Variants in TMEM74 observed in about 807,000 individuals in gnomAD.
The protein encoded by TMEM74 is transmembrane protein 74.
In TMEM74, 13 loss-of-function variants were observed where a neutral mutation model predicts 18.1. The observed-to-expected ratio is 0.72, with a 90% CI of 0.47 to 1.14. The LOEUF (loss-of-function observed/expected upper bound fraction) is 1.14, where lower values mean the gene tolerates loss of function less well. TMEM74 is among the 50% of genes most tolerant of loss of function. TMEM74 has a pLI of 0.00. For missense variants in TMEM74, 372 were observed against 375.9 expected (o/e 0.99, Z 0.09); for synonymous variants, 159 against 146.6 (o/e 1.08, Z -0.61).
intron 1 of TMEM74, among the ~76,000 whole-genome samples, chr8:108,671,476 A>G (rs1813004482): frequency 6.6e-6 from 1 of 152,218 alleles, no homozygotes; most frequent in African/African-American, 2.4e-5. Context: ...AAAGAAAAGC[A>G]GGTGACATTA....
intron 1 of TMEM74, among the ~76,000 whole-genome samples, chr8:108,722,359 A>G (rs1007761777): frequency 3.9e-5 from 6 of 152,184 alleles, no homozygotes; most frequent in Non-Finnish European, 2.9e-5. Flanking sequence ...GATCTTTCAT[A>G]TACAAGTGAC....
chr8:108,715,265 G>C (rs1308577954), intron 1 of TMEM74, among the ~76,000 whole-genome samples: 1 of 151,700 alleles, frequency 6.6e-6, no homozygotes, highest in Non-Finnish European at 1.5e-5. Flanking sequence ...CTAGATGCTG[G>C]AGGCTACTAG....
chr8:108,631,868 G>A (rs1214998926), intron 2 of TMEM74, among the ~76,000 whole-genome samples: 1 of 152,012 alleles, frequency 6.6e-6, no homozygotes, highest in Non-Finnish European at 1.5e-5. Context: ...GCCACTGGGG[G>A]TGTAGATAGT....
chr8:108,735,673 C>A (rs1813741392), intron 1 of TMEM74, among the ~76,000 whole-genome samples: 1 of 152,158 alleles, frequency 6.6e-6, no homozygotes, highest in Admixed American at 6.5e-5. Flanking sequence ...TGTAAACATT[C>A]ACGTACAAGT....
intron 2 of TMEM74, among the ~76,000 whole-genome samples, chr8:108,644,273 A>G (rs1812694277): frequency 6.6e-6 from 1 of 152,172 alleles, no homozygotes; most frequent in South Asian, 2.1e-4. Context: ...TGTTCAATAA[A>G]TGCTGTTAGG....
intron 1 of TMEM74, among the ~76,000 whole-genome samples, chr8:108,735,635 A>G (rs562328695): frequency 7.9e-4 from 120 of 152,160 alleles, no homozygotes; most frequent in Non-Finnish European, 1.3e-3. Context: ...GGCTATTTCC[A>G]CCTTTTAAAT....
In TMEM74 at chr8:108,784,475, A is replaced by G. The variant is rs760772628; in HGVS notation, c.624T>C (p.Thr208=). Residue 208 remains threonine, a synonymous_variant, in exon 2 of 2, where the codon ACT becomes ACC. Transcript: ENST00000297459. ...GGCGCTCCATCTCCCGGGCTGCCAC[A>G]GTGTTGGGGTCCACAGTCACTTCCC... The part of the protein sequence containing the change: ...VPREVTVDPN[T]VAAREMERLE... 5.6e-6 allele frequency: 9 copies of G among 1,614,014 alleles called. No homozygotes were observed. The highest frequency in any genetic ancestry group is 7.6e-6 in the Non-Finnish European group (9 of 1,180,032).
At chr8:108,727,752 A>G (rs952160661) in intron 1 of TMEM74, among the ~76,000 whole-genome samples, 2 of 152,166 alleles carry the variant, frequency 1.3e-5, no homozygotes, top group Non-Finnish European at 2.9e-5. Context: ...ACCAACCAAA[A>G]TTGTGTCCAT....
intron 1 of TMEM74, among the ~76,000 whole-genome samples, chr8:108,701,057 T>G (rs945564718): frequency 6.6e-6 from 1 of 152,188 alleles, no homozygotes; most frequent in African/African-American, 2.4e-5. Flanking sequence ...AAGTGGGATT[T>G]ATTCCAGATG....
At chr8:108,691,144 A>G (rs1813223420) in intron 1 of TMEM74, among the ~76,000 whole-genome samples, 1 of 152,214 alleles carries the variant, frequency 6.6e-6, no homozygotes, top group South Asian at 2.1e-4. Flanking sequence ...CTTGCTGAAG[A>G]GTCACAGTCC....
In TMEM74 at chr8:108,618,488, G is replaced by A. The variant is rs532318036; in HGVS notation, n.265-9662C>T. Among the ~76,000 whole-genome samples the A allele has an allele frequency of 1.5e-3, 228 of 152,198 alleles. 5 individuals carry two copies. The South Asian group carries it at 0.044, about 29-fold the overall frequency. ...GAACCACATGATAGACAATCATAAA[G>A]GTTCTTCTGTTTCAGCTTGAATGTA... On this transcript the variant is annotated intron_variant and non_coding_transcript_variant, in intron 2 of 3. Transcript: ENST00000518838.
At chr8:108,775,139 G>A (rs957715661), downstream of TMEM74, among the ~76,000 whole-genome samples, 2 of 152,114 alleles carry the variant, frequency 1.3e-5, no homozygotes, top group African/African-American at 4.8e-5. Flanking sequence ...ATAATCATTG[G>A]TTCATCAGAA....
intron 1 of TMEM74, among the ~76,000 whole-genome samples, chr8:108,662,517 A>G (rs922783083): frequency 1.3e-5 from 2 of 152,078 alleles, no homozygotes; most frequent in Non-Finnish European, 2.9e-5. Context: ...TTTTTCCACA[A>G]AGAGTTTAGT....
intron 1 of TMEM74, among the ~76,000 whole-genome samples, chr8:108,674,441 C>T (rs1001783368): frequency 2.6e-5 from 4 of 152,112 alleles, no homozygotes; most frequent in Admixed American, 2.6e-4. Context: ...CTTCCAGGAA[C>T]ATTATACTAA....
intron 1 of TMEM74, among the ~76,000 whole-genome samples, chr8:108,693,778 A>G (rs908997577): frequency 6.6e-6 from 1 of 152,250 alleles, no homozygotes. Flanking sequence ...AATGGCAGGC[A>G]TGCAGCAAAA....
intron 1 of TMEM74, among the ~76,000 whole-genome samples, chr8:108,720,539 A>T: frequency 6.6e-6 from 1 of 152,206 alleles, no homozygotes; most frequent in East Asian, 1.9e-4. Flanking sequence ...GCCATTGTAG[A>T]AATATTTTAA....
intron 1 of TMEM74, among the ~76,000 whole-genome samples, chr8:108,727,269 T>C (rs1050566630): frequency 1.3e-5 from 2 of 152,172 alleles, no homozygotes; most frequent in Non-Finnish European, 2.9e-5. Context: ...CTCCAGCTGC[T>C]GTGTGGAGAA....
chr8:108,715,078 A>G (rs1403325983), intron 1 of TMEM74, among the ~76,000 whole-genome samples: 1 of 152,134 alleles, frequency 6.6e-6, no homozygotes, highest in Non-Finnish European at 1.5e-5. Context: ...GCTGTATAAA[A>G]TTTCCTTTGT....
intron 2 of TMEM74, among the ~76,000 whole-genome samples, chr8:108,616,042 C>T (rs11783033): frequency 0.18 from 27,442 of 151,936 alleles, 2,960 homozygotes; most frequent in Non-Finnish European, 0.23. Flanking sequence ...GCCCTGGCCT[C>T]CCAAAGTACT....
Sources: allele counts gnomAD v4.1 joint callset (sites outside exome capture counted in the v4.1 genomes callset), GRCh38; gene constraint gnomAD v4.1.1; transcripts MANE v1.5; gene names NCBI Gene and HGNC (gene_info 2026-07-23, HGNC 2026-07-21).